Variants in STK32B observed in about 807,000 individuals in gnomAD.
STK32B encodes serine/threonine kinase 32B.
In STK32B, 43 loss-of-function variants were observed where a neutral mutation model predicts 52.6. The observed-to-expected ratio is 0.82, with a 90% confidence interval of 0.64 to 1.05. The LOEUF (loss-of-function observed/expected upper bound fraction) is 1.05. Ranked by LOEUF, STK32B falls within the 50% of genes least tolerant of loss-of-function variation. The probability of loss-of-function intolerance (pLI) is 0.00; values close to 1 mark genes in which losing one functional copy is unlikely to be tolerated. For synonymous variants in STK32B, 238 were observed against 204.3 expected (o/e 1.17, Z -1.41); for missense variants, 621 against 534.6 (o/e 1.16, Z -1.59).
chr4:5,128,018 CTG>C (rs1462754839), intron 1 of STK32B, among the ~76,000 whole-genome samples: 1 of 152,184 alleles, frequency 6.6e-6, no homozygotes, highest in African/African-American at 2.4e-5. Flanking sequence ...CCATGTGGGA[CTG>C]TGAGTCAGTT....
In STK32B at chr4:5,490,210, A is replaced by G. The variant is rs1719601202; in HGVS notation, c.1107-8735A>G. 2.6e-5 allele frequency among the ~76,000 whole-genome samples: 4 copies of G among 151,856 alleles called. No individual in the cohort carries two copies. The South Asian group carries it at 8.3e-4, about 32-fold the overall frequency. On this transcript the variant is annotated intron_variant, in intron 11 of 11. Coordinates refer to ENST00000282908, the MANE Select transcript of STK32B (RefSeq NM_018401.3). Reference sequence around the variant, plus strand: ...AAACCTCTACCTCCCGGGTTCAAGCAATTCTCCTGCCTCAGCCTCCCGAGT... The same window carrying G: ...AAACCTCTACCTCCCGGGTTCAAGCGATTCTCCTGCCTCAGCCTCCCGAGT...
At chr4:5,361,844 C>T (rs1045963938) in intron 4 of STK32B, among the ~76,000 whole-genome samples, 3 of 152,062 alleles carry the variant, frequency 2.0e-5, no homozygotes, top group African/African-American at 4.8e-5. Context: ...AGATTTAGGT[C>T]GGGGTAGATC....
chr4:5,293,926 T>C (rs1302887639), intron 3 of STK32B, among the ~76,000 whole-genome samples: 1 of 152,114 alleles, frequency 6.6e-6, no homozygotes, highest in Non-Finnish European at 1.5e-5. Flanking sequence ...TTTTAGATCT[T>C]ATGTTTAAGT....
At chr4:5,407,639 T>A (rs1363406921) in intron 5 of STK32B, among the ~76,000 whole-genome samples, 1 of 151,840 alleles carries the variant, frequency 6.6e-6, no homozygotes, top group Non-Finnish European at 1.5e-5. Flanking sequence ...CTCACATGGA[T>A]GGCAGGAGTT....
intron 3 of STK32B, among the ~76,000 whole-genome samples, chr4:5,247,224 G>A (rs1291108140): frequency 6.6e-6 from 1 of 152,142 alleles, no homozygotes; most frequent in Non-Finnish European, 1.5e-5. Flanking sequence ...GCTCCACCCA[G>A]TTTGAGCTTC....
chr4:5,455,356 A>G (rs4688935), intron 7 of STK32B, among the ~76,000 whole-genome samples: 151,988 of 152,348 alleles, frequency 1, 75,815 homozygotes, highest in East Asian at 1. Flanking sequence ...TGACAGTCCA[A>G]TGACCACAAC....
chr4:5,303,134 G>A (rs182332323), intron 3 of STK32B, among the ~76,000 whole-genome samples: 4 of 149,862 alleles, frequency 2.7e-5, no homozygotes, highest in South Asian at 2.1e-4. Flanking sequence ...TTACGCTGCC[G>A]TAAACATGTG....
At chr4:5,093,661 A>T (rs1442623939) in intron 1 of STK32B, among the ~76,000 whole-genome samples, 2 of 152,182 alleles carry the variant, frequency 1.3e-5, no homozygotes, top group East Asian at 3.9e-4. Flanking sequence ...ATGTATGCAT[A>T]TGTAACTAAC....
At chr4:5,341,527 T>C (rs1272288658) in intron 4 of STK32B, among the ~76,000 whole-genome samples, 1 of 152,218 alleles carries the variant, frequency 6.6e-6, no homozygotes, top group Non-Finnish European at 1.5e-5. Context: ...ACTTTCTTCC[T>C]GGCATGTAAT....
At position 5,276,286 on chromosome 4, in the gene STK32B, C is replaced by G. The variant is rs565935877; in HGVS notation, c.261-54934C>G. 1.9e-3 allele frequency among the ~76,000 whole-genome samples: 290 copies of G among 151,544 alleles called. 2 individuals are homozygous for G. The highest frequency in any genetic ancestry group is 2.6e-3 in the Non-Finnish European group (173 of 67,818). Reference sequence around the variant, plus strand: ...CCTGGGCAACAGAGTGAGACTCCATCTCAAAAAAAGAAAAAAAAATTCATT... The same window carrying G: ...CCTGGGCAACAGAGTGAGACTCCATGTCAAAAAAAGAAAAAAAAATTCATT... On this transcript the variant is annotated intron_variant, in intron 3 of 11. Coordinates refer to ENST00000282908, the MANE Select transcript of STK32B (RefSeq NM_018401.3).
intron 11 of STK32B, among the ~76,000 whole-genome samples, chr4:5,494,595 T>A (rs6846034): frequency 0.011 from 1,622 of 152,278 alleles, 25 homozygotes; most frequent in African/African-American, 0.037. Context: ...AATATTGTTA[T>A]GTGTGAATTT....
Position 5,331,398 on chromosome 4 carries a change from C to A in STK32B, c.434+5C>A. The A allele has an allele frequency of 6.2e-7, 1 of 1,604,236 alleles. No homozygotes were observed. The highest frequency in any genetic ancestry group is 8.5e-7 in the Non-Finnish European group (1 of 1,174,020). On this transcript the variant is annotated splice_donor_5th_base_variant and intron_variant, in intron 4 of 11. Transcript: ENST00000282908. ...GAGGTACCACATCATCCACAGGTAACTGGGCTGCTGGCGGGATGCCTGGGA... is the reference window on the plus strand; with the variant it reads ...GAGGTACCACATCATCCACAGGTAAATGGGCTGCTGGCGGGATGCCTGGGA...
intron 1 of STK32B, among the ~76,000 whole-genome samples, chr4:5,114,357 G>C (rs1315090740): frequency 1.3e-5 from 2 of 151,934 alleles, no homozygotes; most frequent in African/African-American, 4.8e-5. Flanking sequence ...GGACCCAGAT[G>C]TATTTCCTCC....
At chr4:5,176,663 C>G (rs187259828) in intron 3 of STK32B, among the ~76,000 whole-genome samples, 3 of 152,152 alleles carry the variant, frequency 2.0e-5, no homozygotes, top group South Asian at 2.1e-4. Flanking sequence ...AGGCTGGTCT[C>G]AAGCTCCTGA....
intron 3 of STK32B, among the ~76,000 whole-genome samples, chr4:5,263,102 G>A (rs1278955776): frequency 6.6e-6 from 1 of 151,600 alleles, no homozygotes; most frequent in African/African-American, 2.4e-5. Flanking sequence ...TAGACTATGA[G>A]CTCCTAAAAG....
intron 11 of STK32B, among the ~76,000 whole-genome samples, chr4:5,487,849 A>C (rs942981120): frequency 6.6e-6 from 1 of 152,188 alleles, no homozygotes; most frequent in African/African-American, 2.4e-5. Context: ...TGGTTATGGC[A>C]TCAGGAAGCT....
intron 11 of STK32B, among the ~76,000 whole-genome samples, chr4:5,485,944 G>C (rs1719154752): frequency 6.6e-6 from 1 of 152,170 alleles, no homozygotes; most frequent in Admixed American, 6.5e-5. Context: ...TCATTCCTCT[G>C]GAAGTTTTGT....
chr4:5,075,755 T>C (rs1295694374), intron 1 of STK32B, among the ~76,000 whole-genome samples: 2 of 152,186 alleles, frequency 1.3e-5, no homozygotes, highest in Admixed American at 1.3e-4. Context: ...CAGGTTTTTT[T>C]CTTTATTCTG....
At chr4:5,360,294 C>G (rs1188709638) in intron 4 of STK32B, among the ~76,000 whole-genome samples, 1 of 152,146 alleles carries the variant, frequency 6.6e-6, no homozygotes, top group African/African-American at 2.4e-5. Flanking sequence ...CTGAAAAGCA[C>G]TCCATGGGGG....
Sources: gnomAD v4.1 joint callset for allele counts (sites outside exome capture counted in the v4.1 genomes callset) on GRCh38, gnomAD v4.1.1 for gene constraint, MANE v1.5 for transcripts, NCBI Gene and HGNC (gene_info 2026-07-23, HGNC 2026-07-21) for gene names.